PCDH15: variants seen among roughly 807,000 people sequenced by gnomAD.
PCDH15 encodes protocadherin related 15, also known as protocadherin-15.
A neutral mutation model predicts 178.5 loss-of-function variants in PCDH15; 129 were observed. The ratio of observed to expected loss-of-function variants is 0.72; its 90% CI spans 0.63 to 0.84. PCDH15 has a LOEUF of 0.84. Ranked by LOEUF, PCDH15 falls within the 40% of genes least tolerant of loss-of-function variation. The pLI is 0.00. For synonymous variants in PCDH15, 800 were observed against 732.0 expected, an observed-to-expected ratio of 1.09 and a Z score of -1.50; for missense variants, 2,230 against 2,099.9, an observed-to-expected ratio of 1.06 and a Z score of -1.21.
At chr10:54,095,835 T>C (rs542343243) in intron 15 of PCDH15, among the ~76,000 whole-genome samples, 32 of 152,248 alleles carry the variant, frequency 2.1e-4, no homozygotes, top group African/African-American at 7.2e-4. Context: ...ACAAAATGGG[T>C]AACCTTGGAA....
At chr10:54,412,532 G>A (rs960306755) in intron 3 of PCDH15, among the ~76,000 whole-genome samples, 6 of 152,104 alleles carry the variant, frequency 3.9e-5, no homozygotes, top group Non-Finnish European at 8.8e-5. Context: ...ACCGAAGTTA[G>A]TTGTGATAGT....
intron 8 of PCDH15, among the ~76,000 whole-genome samples, chr10:54,276,474 A>G (rs909357057): frequency 6.6e-6 from 1 of 151,700 alleles, no homozygotes; most frequent in East Asian, 1.9e-4. Context: ...ATTGAAAACA[A>G]TTAAAAATTC....
chr10:55,455,197 T>C (rs1287332628), intron 2 of PCDH15, among the ~76,000 whole-genome samples: 3 of 152,110 alleles, frequency 2.0e-5, no homozygotes, highest in Non-Finnish European at 2.9e-5. Flanking sequence ...TACTCATCTG[T>C]AAAATGAGGA....
At chr10:54,895,613 T>A (rs1954531959) in intron 3 of PCDH15, among the ~76,000 whole-genome samples, 1 of 152,204 alleles carries the variant, frequency 6.6e-6, no homozygotes, top group South Asian at 2.1e-4. Flanking sequence ...TGATGCCAAC[T>A]AATAATACGC....
intron 1 of PCDH15, among the ~76,000 whole-genome samples, chr10:55,267,945 T>C (rs909587497): frequency 2.6e-4 from 40 of 151,512 alleles, no homozygotes; most frequent in African/African-American, 9.7e-4. Context: ...CTTAAAAAAA[T>C]AAAGCAAACT....
intron 2 of PCDH15, among the ~76,000 whole-genome samples, chr10:54,594,768 C>A (rs541496427): frequency 1.2e-3 from 184 of 152,254 alleles, no homozygotes; most frequent in Middle Eastern, 3.4e-3. Context: ...TTGAGTGTGC[C>A]CCATCCCTTC....
At chr10:54,469,769 G>T (rs1242603891) in intron 3 of PCDH15, among the ~76,000 whole-genome samples, 1 of 152,090 alleles carries the variant, frequency 6.6e-6, no homozygotes, top group Non-Finnish European at 1.5e-5. Flanking sequence ...CCAAGGCAGT[G>T]GGTTTGGTGG....
intron 18 of PCDH15, among the ~76,000 whole-genome samples, chr10:54,052,230 C>T (rs2093791551): frequency 6.6e-6 from 1 of 152,202 alleles, no homozygotes; most frequent in Non-Finnish European, 1.5e-5. Context: ...ATCCTCCAGA[C>T]TCCAGAATGG....
intron 2 of PCDH15, among the ~76,000 whole-genome samples, chr10:55,541,312 G>A (rs1489383660): frequency 6.6e-6 from 1 of 151,822 alleles, no homozygotes; most frequent in Non-Finnish European, 1.5e-5. Flanking sequence ...ATATCCCTAA[G>A]GATTTCTTCT....
intron 2 of PCDH15, among the ~76,000 whole-genome samples, chr10:54,563,123 A>T (rs2088455125): frequency 6.6e-6 from 1 of 152,192 alleles, no homozygotes; most frequent in African/African-American, 2.4e-5. Context: ...AGTGCTATCA[A>T]GGTGGATTTT....
At chr10:55,287,039 C>T (rs1194036888) in intron 1 of PCDH15, among the ~76,000 whole-genome samples, 2 of 151,816 alleles carry the variant, frequency 1.3e-5, no homozygotes, top group African/African-American at 2.4e-5. Context: ...AACTCAAAAG[C>T]TTTATTTTTC....
At chr10:54,600,757 A>C (rs2092482965) in intron 2 of PCDH15, 1 of 487,888 alleles carries the variant, frequency 2.0e-6, no homozygotes, top group Admixed American at 2.4e-5. Context: ...TTCAAAACAG[A>C]ACAGATTCTC....
At chr10:54,110,103 C>A (rs771599831) in intron 15 of PCDH15, among the ~76,000 whole-genome samples, 1 of 151,844 alleles carries the variant, frequency 6.6e-6, no homozygotes, top group Non-Finnish European at 1.5e-5. Flanking sequence ...ATAAGTTTGT[C>A]TGCGTGGTTG....
chr10:54,782,449 G>A (rs943457791), intron 1 of PCDH15, among the ~76,000 whole-genome samples: 3 of 152,004 alleles, frequency 2.0e-5, no homozygotes, highest in South Asian at 4.2e-4. Flanking sequence ...AAAGAGTATT[G>A]CTCCAATTTT....
chr10:55,279,005 C>T (rs1842663934), intron 1 of PCDH15, among the ~76,000 whole-genome samples: 1 of 152,146 alleles, frequency 6.6e-6, no homozygotes, highest in African/African-American at 2.4e-5. Context: ...GTTAACATTC[C>T]AGCATTTACG....
At chr10:54,766,239 C>A (rs1948495040) in intron 1 of PCDH15, among the ~76,000 whole-genome samples, 1 of 151,908 alleles carries the variant, frequency 6.6e-6, no homozygotes, top group Non-Finnish European at 1.5e-5. Context: ...CACAAAACAA[C>A]AGCAGAGGAG....
At chr10:54,028,612 A>G (rs2135394373) in intron 18 of PCDH15, among the ~76,000 whole-genome samples, 1 of 148,974 alleles carries the variant, frequency 6.7e-6, no homozygotes, top group African/African-American at 2.4e-5. Context: ...GCAGCCATAA[A>G]AAATGATGAG....
intron 2 of PCDH15, among the ~76,000 whole-genome samples, chr10:55,066,854 A>T (rs769594205): frequency 4.0e-5 from 6 of 151,652 alleles, no homozygotes; most frequent in Non-Finnish European, 8.9e-5. Context: ...GTTCGATAGC[A>T]GACTACAGTG....
At chr10:54,008,256 G>A (rs1193616783) in intron 20 of PCDH15, among the ~76,000 whole-genome samples, 5 of 152,136 alleles carry the variant, frequency 3.3e-5, no homozygotes, top group Admixed American at 6.5e-5. Context: ...GAGTCAGGAC[G>A]CCTTGACCAA....
Sources: allele counts gnomAD v4.1 joint callset (sites outside exome capture counted in the v4.1 genomes callset), GRCh38; gene constraint gnomAD v4.1.1; transcripts MANE v1.5; gene names NCBI Gene and HGNC (gene_info 2026-07-23, HGNC 2026-07-21).